GUCY1A2: variants seen among roughly 807,000 people sequenced by gnomAD.
The protein encoded by GUCY1A2 is guanylate cyclase 1 soluble subunit alpha 2.
Under a neutral mutation model 63.5 loss-of-function variants are expected in GUCY1A2, and 27 were observed. The ratio of observed to expected loss-of-function variants is 0.43; its 90% confidence interval spans 0.31 to 0.59. The LOEUF (loss-of-function observed/expected upper bound fraction) is 0.59, where lower values mean the gene tolerates loss of function less well. Among genes scored for constraint, GUCY1A2 ranks in the 20% least tolerant of loss-of-function variants. GUCY1A2 has a pLI of 0.11. For missense variants in GUCY1A2, 768 were observed against 913.3 expected, an observed-to-expected ratio of 0.84 and a Z score of 2.05; for synonymous variants, 364 against 343.5, an observed-to-expected ratio of 1.06 and a Z score of -0.66.
chr11:106,737,044 T>C lies in GUCY1A2; in HGVS notation c.1837-28378A>G, dbSNP rs186410078. 1.2e-3 allele frequency among the ~76,000 whole-genome samples: 181 copies of C among 152,316 alleles called. 1 individual carries two copies. Among genetic ancestry groups the C allele is most frequent in the African/African-American group, 4.1e-3 (171 of 41,580 alleles). On this transcript the variant is annotated intron_variant, in intron 6 of 7. Transcript: ENST00000526355. Reference sequence around the variant, plus strand: ...GGCAGCTCCACTGACTTTACTAACATTGTTGGTACCCATCCTAGTAGCAAA... The same window carrying C: ...GGCAGCTCCACTGACTTTACTAACACTGTTGGTACCCATCCTAGTAGCAAA...
chr11:106,925,204 A>AAG (rs371916963), intron 4 of GUCY1A2, among the ~76,000 whole-genome samples: 1 of 151,882 alleles, frequency 6.6e-6, no homozygotes, highest in East Asian at 1.9e-4. Context: ...AGAGAGGAGA[A>AAG]AGAGAGAGAG....
chr11:106,787,166 A>T (rs1053630630), intron 5 of GUCY1A2, among the ~76,000 whole-genome samples: 15 of 151,676 alleles, frequency 9.9e-5, no homozygotes, highest in Non-Finnish European at 1.6e-4. Flanking sequence ...ATATATAATT[A>T]TACTCTTAGT....
At chr11:106,719,520 G>C (rs961766463) in intron 6 of GUCY1A2, among the ~76,000 whole-genome samples, 1 of 152,114 alleles carries the variant, frequency 6.6e-6, no homozygotes, top group Non-Finnish European at 1.5e-5. Flanking sequence ...TTTTAATAAT[G>C]AGTTTGATTG....
chr11:106,757,074 A>T (rs1431753797), intron 6 of GUCY1A2, among the ~76,000 whole-genome samples: 1 of 151,976 alleles, frequency 6.6e-6, no homozygotes, highest in African/African-American at 2.4e-5. Flanking sequence ...CTAATCTTGT[A>T]TTCTCACTTT....
At chr11:106,873,228 A>T (rs1859704857) in intron 4 of GUCY1A2, among the ~76,000 whole-genome samples, 1 of 152,230 alleles carries the variant, frequency 6.6e-6, no homozygotes. Flanking sequence ...TGCAATAAAC[A>T]TACATGTGCA....
chr11:106,748,716 T>C (rs1863832948), intron 6 of GUCY1A2, among the ~76,000 whole-genome samples: 1 of 152,242 alleles, frequency 6.6e-6, no homozygotes, highest in South Asian at 2.1e-4. Flanking sequence ...TTAGGTTACA[T>C]GATTTCCATT....
chr11:106,994,545 G>A (rs1216509935), intron 1 of GUCY1A2, among the ~76,000 whole-genome samples: 1 of 152,162 alleles, frequency 6.6e-6, no homozygotes, highest in Non-Finnish European at 1.5e-5. Context: ...ACACATTATG[G>A]TTTTTACAAA....
At chr11:106,840,612 C>T (rs1050791038) in intron 4 of GUCY1A2, among the ~76,000 whole-genome samples, 1 of 151,948 alleles carries the variant, frequency 6.6e-6, no homozygotes, top group African/African-American at 2.4e-5. Flanking sequence ...TACACACATA[C>T]ATACACATAA....
At chr11:106,750,256 G>C (rs1863860355) in intron 6 of GUCY1A2, among the ~76,000 whole-genome samples, 1 of 152,082 alleles carries the variant, frequency 6.6e-6, no homozygotes, top group African/African-American at 2.4e-5. Flanking sequence ...GATTTAGCAA[G>C]CCAGCTTATC....
intron 7 of GUCY1A2, among the ~76,000 whole-genome samples, chr11:106,705,695 C>T (rs569460423): frequency 6.6e-6 from 1 of 152,074 alleles, no homozygotes; most frequent in Admixed American, 6.5e-5. Context: ...CCCGTCTCTA[C>T]TAAAAATACA....
intron 4 of GUCY1A2, among the ~76,000 whole-genome samples, chr11:106,822,970 T>C (rs897807805): frequency 1.3e-5 from 2 of 152,106 alleles, no homozygotes; most frequent in African/African-American, 4.8e-5. Flanking sequence ...TTTTAAAAAA[T>C]GTAGATTCTA....
chr11:106,813,923 A>G (rs1199711268), intron 4 of GUCY1A2, among the ~76,000 whole-genome samples: 2 of 152,058 alleles, frequency 1.3e-5, no homozygotes, highest in Non-Finnish European at 2.9e-5. Context: ...AGCTATTACT[A>G]TCCTCAGTTT....
chr11:107,003,191 C>T (rs572299590), intron 1 of GUCY1A2, among the ~76,000 whole-genome samples: 7 of 152,200 alleles, frequency 4.6e-5, no homozygotes, highest in Non-Finnish European at 1.0e-4. Flanking sequence ...GTTTACTCAC[C>T]ATATATTCCC....
intron 4 of GUCY1A2, among the ~76,000 whole-genome samples, chr11:106,811,345 G>C (rs1338380518): frequency 6.6e-6 from 1 of 151,912 alleles, no homozygotes; most frequent in African/African-American, 2.4e-5. Flanking sequence ...GTGGAGCTGG[G>C]GTATGGCTAC....
intron 1 of GUCY1A2, 125 bp from the exon 2 acceptor site, chr11:106,986,256 T>A: frequency 1.8e-6 from 1 of 562,058 alleles, no homozygotes; most frequent in Non-Finnish European, 3.1e-6. Context: ...TCTACAGTAT[T>A]AACCCATTTT....
At chr11:106,747,738 T>G (rs982827411) in intron 6 of GUCY1A2, among the ~76,000 whole-genome samples, 3 of 152,218 alleles carry the variant, frequency 2.0e-5, no homozygotes, top group African/African-American at 4.8e-5. Context: ...TGTGTTATCT[T>G]TCCCATGAGA....
At chr11:106,756,157 C>G (rs1863970423) in intron 6 of GUCY1A2, among the ~76,000 whole-genome samples, 1 of 152,138 alleles carries the variant, frequency 6.6e-6, no homozygotes, top group African/African-American at 2.4e-5. Context: ...TTATCAGAGA[C>G]TAGGATTGCA....
chr11:106,956,393 C>T (rs1366365356), intron 3 of GUCY1A2, among the ~76,000 whole-genome samples: 1 of 152,068 alleles, frequency 6.6e-6, no homozygotes, highest in Non-Finnish European at 1.5e-5. Context: ...TTGATTCTTT[C>T]TTACCTTCCT....
At chr11:106,935,742 G>A (rs975384324) in intron 4 of GUCY1A2, among the ~76,000 whole-genome samples, 1 of 151,734 alleles carries the variant, frequency 6.6e-6, no homozygotes, top group Non-Finnish European at 1.5e-5. Flanking sequence ...AGCTACTCGG[G>A]AGGCTGAGAC....
Sources: allele counts gnomAD v4.1 joint callset (sites outside exome capture counted in the v4.1 genomes callset), GRCh38; gene constraint gnomAD v4.1.1; transcripts MANE v1.5; gene names NCBI Gene and HGNC (gene_info 2026-07-23, HGNC 2026-07-21).